The following GRK3 variants were observed in gnomAD, a reference collection of about 807,000 sequenced individuals.
The protein encoded by GRK3 is adrenergic, beta, receptor kinase 2.
Under a neutral mutation model 95.7 loss-of-function variants are expected in GRK3, and 54 were observed. The observed-to-expected ratio is 0.56, with a 90% CI of 0.45 to 0.71. GRK3 has a LOEUF of 0.71. GRK3 is among the 30% of genes least tolerant of loss of function. The pLI is 0.00. For missense variants in GRK3, 649 were observed against 851.2 expected (o/e 0.76, Z 2.96); for synonymous variants, 281 against 290.8 (o/e 0.97, Z 0.34).
intron 6 of GRK3, among the ~76,000 whole-genome samples, chr22:25,669,798 C>T (rs1219543958): frequency 6.6e-6 from 1 of 152,204 alleles, no homozygotes; most frequent in African/African-American, 2.4e-5. Flanking sequence ...TGTTTGTTAA[C>T]CCTCCTCAGC....
At chr22:25,688,141 A>C (rs375155103) in intron 11 of GRK3, among the ~76,000 whole-genome samples, 63 of 151,608 alleles carry the variant, frequency 4.2e-4, no homozygotes, top group African/African-American at 8.5e-4. Context: ...GAGGCTGAGG[A>C]AGGAGAACGG....
intron 13 of GRK3, among the ~76,000 whole-genome samples, chr22:25,697,102 A>T (rs2085215087): frequency 6.6e-6 from 1 of 152,218 alleles, no homozygotes; most frequent in Non-Finnish European, 1.5e-5. Flanking sequence ...TAAAAAGAAA[A>T]CTGTGCAACA....
chr22:25,690,866 A>T (rs1054622225), intron 12 of GRK3, among the ~76,000 whole-genome samples: 1 of 151,788 alleles, frequency 6.6e-6, no homozygotes, highest in Non-Finnish European at 1.5e-5. Context: ...TGCAGGCCAT[A>T]TTGTTAGACT....
chr22:25,610,667 C>T (rs1340689095), intron 2 of GRK3, among the ~76,000 whole-genome samples: 4 of 152,218 alleles, frequency 2.6e-5, no homozygotes, highest in Admixed American at 6.5e-5. Flanking sequence ...AAACACTCAT[C>T]TGTCTGTTTC....
At chr22:25,604,528 T>G in intron 2 of GRK3, 75 bp downstream of exon 2, 1 of 987,782 alleles carries the variant, frequency 1.0e-6, no homozygotes, top group Non-Finnish European at 1.5e-6. Flanking sequence ...AATATATGAA[T>G]GCACCCCCTA....
intron 12 of GRK3, among the ~76,000 whole-genome samples, chr22:25,691,368 C>T (rs1047713544): frequency 3.3e-5 from 5 of 152,080 alleles, no homozygotes; most frequent in African/African-American, 1.2e-4. Context: ...AGATCCTTCT[C>T]TTTGTGTAAC....
chr22:25,641,953 A>G (rs754602000), intron 2 of GRK3, among the ~76,000 whole-genome samples: 167 of 152,340 alleles, frequency 1.1e-3, no homozygotes, highest in Non-Finnish European at 9.3e-4. Flanking sequence ...TCATTTTGTC[A>G]TTTAGACATT....
intron 13 of GRK3, among the ~76,000 whole-genome samples, chr22:25,701,924 T>G (rs1350167660): frequency 6.6e-6 from 1 of 152,244 alleles, no homozygotes; most frequent in Non-Finnish European, 1.5e-5. Context: ...CAAGTATGTT[T>G]TTAAAAATTA....
At chr22:25,625,696 C>G (rs2084622704) in intron 2 of GRK3, among the ~76,000 whole-genome samples, 2 of 152,216 alleles carry the variant, frequency 1.3e-5, no homozygotes, top group African/African-American at 4.8e-5. Flanking sequence ...TGGTCATGCT[C>G]CTAGTCTGCC....
At chr22:25,671,271 C>T (rs1304247159) in intron 6 of GRK3, among the ~76,000 whole-genome samples, 1 of 152,106 alleles carries the variant, frequency 6.6e-6, no homozygotes, top group African/African-American at 2.4e-5. Context: ...ACCCGGGAGG[C>T]GGAGCTTGCA....
intron 9 of GRK3, among the ~76,000 whole-genome samples, chr22:25,683,841 G>T (rs2085093289): frequency 6.6e-6 from 1 of 151,998 alleles, no homozygotes; most frequent in African/African-American, 2.4e-5. Context: ...TCTGTTAATG[G>T]TATCCTCTGA....
intron 10 of GRK3, among the ~76,000 whole-genome samples, chr22:25,686,791 G>A (rs2085118056): frequency 6.6e-6 from 1 of 152,178 alleles, no homozygotes; most frequent in African/African-American, 2.4e-5. Context: ...TTTACTGTAT[G>A]TGCTTTGTCA....
intron 2 of GRK3, among the ~76,000 whole-genome samples, chr22:25,619,397 G>A (rs1050774446): frequency 5.9e-5 from 9 of 152,270 alleles, no homozygotes; most frequent in Non-Finnish European, 1.0e-4. Context: ...TTTGCCTGGT[G>A]TCTTGCACAT....
intron 9 of GRK3, 128 bp downstream of exon 9, chr22:25,679,043 T>C (rs2085054586): frequency 1.4e-5 from 8 of 572,748 alleles, no homozygotes; most frequent in South Asian, 2.6e-5. Context: ...AATCTGATAG[T>C]ATCTCTTTAT....
At chr22:25,708,375 G>A (rs369138703) in intron 15 of GRK3, among the ~76,000 whole-genome samples, 6 of 152,330 alleles carry the variant, frequency 3.9e-5, no homozygotes, top group African/African-American at 1.4e-4. Context: ...GCCTGTGCAG[G>A]AGCAGTGCGG....
At chr22:25,647,746 A>C (rs2084796277) in intron 3 of GRK3, 1 of 1,139,818 alleles carries the variant, frequency 8.8e-7, no homozygotes, top group East Asian at 2.4e-5. Context: ...GTATTTTGGC[A>C]AAATGGGGAG....
intron 1 of GRK3, among the ~76,000 whole-genome samples, chr22:25,570,248 G>A (rs950806896): frequency 4.6e-5 from 7 of 152,112 alleles, no homozygotes; most frequent in African/African-American, 1.7e-4. Context: ...TGCCTATTCT[G>A]TTTAACACAA....
chr22:25,636,919 T>G lies in GRK3; in HGVS notation c.191-7673T>G, dbSNP rs116019424. Among the ~76,000 whole-genome samples the G allele has an allele frequency of 4.3e-3, 648 of 152,368 alleles. 4 individuals carry two copies. Among genetic ancestry groups the G allele is most frequent in the African/African-American group, 0.015 (614 of 41,580 alleles). The stretch of plus-strand genomic sequence containing the variant: ...GGCTACGTTAAATGTGATACCCAGA[T>G]AGCTGGTAAAACATTATTGCTGGGT... On this transcript the variant is annotated intron_variant, in intron 2 of 20. Coordinates refer to ENST00000324198, the MANE Select transcript of GRK3 (RefSeq NM_005160.4).
At chr22:25,691,332 A>G (rs1026594161) in intron 12 of GRK3, among the ~76,000 whole-genome samples, 3 of 152,192 alleles carry the variant, frequency 2.0e-5, no homozygotes, top group African/African-American at 7.2e-5. Context: ...GTCTCATTTC[A>G]TGCATCTGTG....
Sources: allele counts gnomAD v4.1 joint callset (sites outside exome capture counted in the v4.1 genomes callset), GRCh38; gene constraint gnomAD v4.1.1; transcripts MANE v1.5; gene names NCBI Gene and HGNC (gene_info 2026-07-23, HGNC 2026-07-21).